Variants in GRID2 observed in about 807,000 individuals in gnomAD.
GRID2 encodes glutamate ionotropic receptor delta type subunit 2.
Under a neutral mutation model 114.8 loss-of-function variants are expected in GRID2, and 33 were observed. That is an observed-to-expected ratio of 0.29 (90% CI 0.22 to 0.38). The LOEUF (loss-of-function observed/expected upper bound fraction) is 0.38. Among genes scored for constraint, GRID2 ranks in the 10% least tolerant of loss-of-function variants. GRID2 has a pLI of 1.00. For synonymous variants in GRID2, 505 were observed against 449.9 expected (o/e 1.12, Z -1.55); for missense variants, 1,184 against 1,257.7 (o/e 0.94, Z 0.89).
intron 2 of GRID2, among the ~76,000 whole-genome samples, chr4:93,026,237 T>G (rs1275354636): frequency 6.6e-6 from 1 of 151,854 alleles, no homozygotes; most frequent in Non-Finnish European, 1.5e-5. Context: ...TCTGCTTTAT[T>G]CAAATGTTTT....
chr4:93,466,141 A>G (rs2149427463), intron 11 of GRID2, among the ~76,000 whole-genome samples: 1 of 152,338 alleles, frequency 6.6e-6, no homozygotes. Context: ...AATATTAAGT[A>G]TAAACATTAC....
chr4:93,364,008 G>A (rs1363884024), intron 8 of GRID2, among the ~76,000 whole-genome samples: 31 of 151,926 alleles, frequency 2.0e-4, no homozygotes, highest in Admixed American at 2.0e-3. Flanking sequence ...TTGCCAAAGA[G>A]TAAGAAAAAT....
At chr4:93,511,129 G>T (rs993090527) in intron 12 of GRID2, among the ~76,000 whole-genome samples, 2 of 151,908 alleles carry the variant, frequency 1.3e-5, no homozygotes, top group African/African-American at 4.8e-5. Context: ...TAGAGACAGG[G>T]TTTCACCATG....
In GRID2 at chr4:92,877,372, C is replaced by T. The variant is rs532604017; in HGVS notation, c.245-207623C>T. On this transcript the variant is annotated intron_variant, in intron 2 of 15. Coordinates refer to ENST00000282020, the MANE Select transcript of GRID2 (RefSeq NM_001510.4). ...TTGTTTTTTCTCTAAAGACAGAAAA[C>T]TCTCAGTAATTTTAACCTCCTTGAT... 3.3e-5 allele frequency among the ~76,000 whole-genome samples: 5 copies of T among 152,300 alleles called. No homozygotes were observed. In the South Asian group the frequency reaches 1.0e-3, roughly 32 times the overall value.
chr4:92,606,248 C>G (rs1729443972), intron 2 of GRID2, among the ~76,000 whole-genome samples: 1 of 151,910 alleles, frequency 6.6e-6, no homozygotes, highest in Non-Finnish European at 1.5e-5. Flanking sequence ...TTATCACATC[C>G]AATGAACTGT....
chr4:93,380,348 G>T (rs1763735977), intron 8 of GRID2, among the ~76,000 whole-genome samples: 1 of 151,812 alleles, frequency 6.6e-6, no homozygotes, highest in Admixed American at 6.6e-5. Flanking sequence ...AGAGCCTTTG[G>T]ATAGAGCCCT....
chr4:92,588,070 A>C (rs924631922), intron 1 of GRID2, among the ~76,000 whole-genome samples: 1 of 152,162 alleles, frequency 6.6e-6, no homozygotes, highest in Non-Finnish European at 1.5e-5. Flanking sequence ...CTTCCTAACA[A>C]ACTATTAAAG....
chr4:93,320,219 G>A lies in GRID2; in HGVS notation c.1246-75388G>A, dbSNP rs996407791. Among the ~76,000 whole-genome samples the A allele has an allele frequency of 9.9e-5, 15 of 152,136 alleles. No homozygotes were observed. The South Asian group carries it at 1.9e-3, about 19-fold the overall frequency. On this transcript the variant is annotated intron_variant, in intron 8 of 15. Coordinates refer to ENST00000282020, the MANE Select transcript of GRID2 (RefSeq NM_001510.4). ...ATGAAGTAAGTGGAGGATAAGGGGTGGACAGGTAATCATGTCAGCGATGAT... is the reference window on the plus strand; with the variant it reads ...ATGAAGTAAGTGGAGGATAAGGGGTAGACAGGTAATCATGTCAGCGATGAT...
chr4:93,578,546 T>A (rs1368148871), intron 13 of GRID2, among the ~76,000 whole-genome samples: 2 of 151,386 alleles, frequency 1.3e-5, no homozygotes, highest in Admixed American at 1.3e-4. Context: ...GATATATAGG[T>A]ATCACAAACT....
intron 1 of GRID2, among the ~76,000 whole-genome samples, chr4:92,568,847 G>C (rs2149189895): frequency 6.6e-6 from 1 of 152,092 alleles, no homozygotes. Context: ...TCCTGCATTA[G>C]TTTGCTAGAG....
At chr4:92,486,512 G>A (rs1014677199) in intron 1 of GRID2, among the ~76,000 whole-genome samples, 1 of 149,510 alleles carries the variant, frequency 6.7e-6, no homozygotes, top group Non-Finnish European at 1.5e-5. Flanking sequence ...CTTTCAAAAA[G>A]TGATGTAAAA....
chr4:93,175,244 C>T (rs755823937), intron 4 of GRID2, among the ~76,000 whole-genome samples: 1 of 152,146 alleles, frequency 6.6e-6, no homozygotes, highest in Non-Finnish European at 1.5e-5. Context: ...GATCTCGGCT[C>T]ACCGCAACCT....
chr4:93,010,010 A>G (rs147148246), intron 2 of GRID2, among the ~76,000 whole-genome samples: 11 of 152,218 alleles, frequency 7.2e-5, no homozygotes, highest in African/African-American at 2.4e-4. Context: ...AGATATTAGT[A>G]GGAAGTATCA....
chr4:92,411,286 G>A (rs560053742), intron 1 of GRID2, among the ~76,000 whole-genome samples: 2 of 152,058 alleles, frequency 1.3e-5, no homozygotes, highest in East Asian at 1.9e-4. Context: ...GAATTTTTAT[G>A]TGGAAATATT....
intron 13 of GRID2, among the ~76,000 whole-genome samples, chr4:93,548,126 G>A (rs892885181): frequency 6.6e-6 from 1 of 152,042 alleles, no homozygotes; most frequent in Non-Finnish European, 1.5e-5. Flanking sequence ...GCGGTGAGCC[G>A]AGATGGTGCC....
At chr4:93,632,238 G>A (rs10856901) in intron 14 of GRID2, among the ~76,000 whole-genome samples, 42,372 of 151,966 alleles carry the variant, frequency 0.28, 6,256 homozygotes, top group East Asian at 0.59. Context: ...CCATTTGTCA[G>A]TTTTGGCTTT....
chr4:92,994,894 A>G (rs886794121), intron 2 of GRID2, among the ~76,000 whole-genome samples: 9 of 152,152 alleles, frequency 5.9e-5, no homozygotes, highest in Non-Finnish European at 1.3e-4. Flanking sequence ...TCACACAGGC[A>G]TATTTCCCAA....
At chr4:92,493,701 C>T (rs1723256268) in intron 1 of GRID2, among the ~76,000 whole-genome samples, 1 of 152,186 alleles carries the variant, frequency 6.6e-6, no homozygotes, top group South Asian at 2.1e-4. Context: ...AGCGTGATTG[C>T]CATGGCTAAA....
chr4:92,421,814 C>T (rs937796950), intron 1 of GRID2, among the ~76,000 whole-genome samples: 2 of 152,048 alleles, frequency 1.3e-5, no homozygotes, highest in South Asian at 4.1e-4. Flanking sequence ...AAGAAAAGAA[C>T]ACTGGGTAGT....
Sources: allele counts gnomAD v4.1 joint callset (sites outside exome capture counted in the v4.1 genomes callset), GRCh38; gene constraint gnomAD v4.1.1; transcripts MANE v1.5; gene names NCBI Gene and HGNC (gene_info 2026-07-23, HGNC 2026-07-21).